TXNDC16: variants seen among roughly 807,000 people sequenced by gnomAD.
TXNDC16 encodes the protein thioredoxin domain-containing protein 16.
In TXNDC16, 74 loss-of-function variants were observed where a neutral mutation model predicts 85.6. That is an observed-to-expected ratio of 0.86 (90% CI 0.72 to 1.05). TXNDC16 has a LOEUF of 1.05. Among genes scored for constraint, TXNDC16 ranks in the 50% least tolerant of loss-of-function variants. The pLI, the probability that TXNDC16 is intolerant of heterozygous loss-of-function variation, is 0.00. For missense variants in TXNDC16, 959 were observed against 947.0 expected (o/e 1.01, Z -0.17); for synonymous variants, 335 against 326.5 (o/e 1.03, Z -0.28).
intron 1 of TXNDC16, among the ~76,000 whole-genome samples, chr14:52,546,195 G>A (rs931962385): frequency 6.6e-6 from 1 of 152,084 alleles, no homozygotes; most frequent in African/African-American, 2.4e-5. Context: ...GCTAAGTCGG[G>A]AGGATCGTGA....
At chr14:52,537,721 T>C (rs933864766) in intron 4 of TXNDC16, 49 bp from the exon 5 acceptor site, 1 of 1,110,270 alleles carries the variant, frequency 9.0e-7, no homozygotes, top group Non-Finnish European at 1.3e-6. Context: ...AAAGGTCAAG[T>C]TTCTTGGTTG....
At chr14:52,453,332 A>G (rs1403211708) in intron 18 of TXNDC16, among the ~76,000 whole-genome samples, 1 of 152,232 alleles carries the variant, frequency 6.6e-6, no homozygotes, top group South Asian at 2.1e-4. Flanking sequence ...TCCTGAGTAC[A>G]TTCCCAAAAG....
At position 52,432,339 on chromosome 14, in the gene TXNDC16, G is replaced by A. The variant is rs369940022; in HGVS notation, c.2443C>T (p.Arg815Cys). Residue 815 changes from arginine (R) to cysteine (C), a missense_variant, in exon 21 of 21, where the codon CGT becomes TGT. Arg to Cys is a radical substitution (Grantham distance 180, BLOSUM62 -3). Coordinates refer to ENST00000281741, the MANE Select transcript of TXNDC16 (RefSeq NM_020784.3). ...TTTGAGCATCCTAACTCTTTATCAC[G>A]TCTAAATGATTTTTCTGCTTCTTTA... ...WFKEAEKSFR[R>C]DKELGCSKVN 24 of 1,612,904 alleles carry A rather than the reference G, an allele frequency of 1.5e-5. No individual in the cohort carries two copies. Among genetic ancestry groups the A allele is most frequent in the African/African-American group, 8.0e-5 (6 of 74,848 alleles).
At position 52,542,448 on chromosome 14, in the gene TXNDC16, G is replaced by A; in HGVS notation, c.166C>T (p.Pro56Ser). The A allele has an allele frequency of 6.2e-7, 1 of 1,610,210 alleles. No individual in the cohort carries two copies. Among genetic ancestry groups the A allele is most frequent in the Non-Finnish European group, 8.5e-7 (1 of 1,177,606 alleles). ...TCTTCAAGAAATACAGATGTTCTTG[G>A]GGAATCTAAAACAACAAATGTTTCA... Reference protein sequence around the residue: ...SLAYFCQADSPRTSVFLEELN... With the variant: ...SLAYFCQADSSRTSVFLEELN... Residue 56 changes from proline (P) to serine (S), a missense_variant, in exon 4 of 21, where the codon CCA (proline) becomes TCA (serine). Coordinates refer to ENST00000281741, the MANE Select transcript of TXNDC16 (RefSeq NM_020784.3).
intron 18 of TXNDC16, among the ~76,000 whole-genome samples, chr14:52,443,361 C>T (rs745876658): frequency 6.6e-6 from 1 of 152,026 alleles, no homozygotes; most frequent in Admixed American, 6.6e-5. Flanking sequence ...ATTGTGGGAC[C>T]GTGTGATTTT....
In TXNDC16 at chr14:52,530,328, ATATT is replaced by A. The variant is rs1566582168; in HGVS notation, c.392+6387_392+6390del. ...TAATATATAATATATAATTATTTTT[ATATT>A]ATATATAATTATATATTATAATATA... On this transcript the variant is annotated intron_variant, in intron 6 of 20. Transcript: ENST00000281741. 3.8e-4 allele frequency among the ~76,000 whole-genome samples: 18 copies of A among 46,996 alleles called. 3 individuals carry two copies. Among genetic ancestry groups the A allele is most frequent in the African/African-American group, 1.5e-3 (17 of 11,072 alleles). 30.8% of individuals were successfully genotyped at this position (46,996 alleles called of 152,430 possible).
At chr14:52,446,089 C>T (rs2035277301) in intron 18 of TXNDC16, among the ~76,000 whole-genome samples, 1 of 152,154 alleles carries the variant, frequency 6.6e-6, no homozygotes, top group South Asian at 2.1e-4. Context: ...AAAAAAGCAC[C>T]TTCATAAGAA....
At chr14:52,513,018 T>C (rs2036993368) in intron 8 of TXNDC16, among the ~76,000 whole-genome samples, 2 of 152,154 alleles carry the variant, frequency 1.3e-5, no homozygotes, top group Non-Finnish European at 2.9e-5. Flanking sequence ...TGTCCACCTC[T>C]GATTTAATGG....
At chr14:52,451,493 T>C (rs1015038034) in intron 18 of TXNDC16, among the ~76,000 whole-genome samples, 1 of 152,088 alleles carries the variant, frequency 6.6e-6, no homozygotes, top group African/African-American at 2.4e-5. Context: ...AAAAGATCAT[T>C]GATCATGTCC....
Position 52,440,685 on chromosome 14 carries a change from G to A in TXNDC16, c.1882C>T (p.Leu628Phe). The change falls in exon 19 of 21, where the codon CTT (leucine) becomes TTT (phenylalanine). Residue 628 changes from leucine (L) to phenylalanine (F), a missense_variant. By Grantham distance (22) the Leu-to-Phe change is conservative. Coordinates refer to ENST00000281741, the MANE Select transcript of TXNDC16 (RefSeq NM_020784.3). ...TVENLPSYFR[L>F]QKPLLILFSD... Reference sequence around the variant, plus strand: ...AACAAAATCAATAATGGTTTCTGAAGTCTGAAATAACTGGGAAGATTTTCC... The same window carrying A: ...AACAAAATCAATAATGGTTTCTGAAATCTGAAATAACTGGGAAGATTTTCC... The A allele has an allele frequency of 6.2e-7, 1 of 1,607,734 alleles. No individual in the cohort carries two copies.
chr14:52,464,062 T>C (rs193173676), intron 16 of TXNDC16, among the ~76,000 whole-genome samples: 46 of 152,362 alleles, frequency 3.0e-4, no homozygotes, highest in Non-Finnish European at 1.3e-4. Context: ...CATTACGTTT[T>C]TGACTTGTAT....
At chr14:52,518,109 A>G (rs527494535) in intron 7 of TXNDC16, among the ~76,000 whole-genome samples, 1 of 152,322 alleles carries the variant, frequency 6.6e-6, no homozygotes, top group Admixed American at 6.5e-5. Context: ...GGGCACTTCT[A>G]CCACATTCAT....
rs1188446338 is a variant in TXNDC16 at position 52,544,274 on chromosome 14, T to C, written c.-84A>G. 1 of 152,170 alleles carries C rather than the reference T, an allele frequency of 6.6e-6. No homozygotes were observed. Among genetic ancestry groups the C allele is most frequent in the East Asian group, 1.9e-4 (1 of 5,202 alleles). The allele number at this position is 152,170 out of a possible 1,614,324, so 9.4% of individuals were successfully genotyped here. A position where few individuals can be genotyped will look rare whatever the true frequency, so the allele number is the denominator to read the frequency against. On this transcript the variant is annotated 5_prime_UTR_variant, in exon 2 of 21. Transcript: ENST00000281741. The stretch of plus-strand genomic sequence containing the variant: ...TCTTGGCGTACTTACTTCCATGCTG[T>C]CCTCTGTATCTGCTGTTAATTCTTT...
intron 14 of TXNDC16, among the ~76,000 whole-genome samples, chr14:52,472,479 AGCCACCGC>A (rs1291110840): frequency 6.6e-6 from 1 of 152,148 alleles, no homozygotes; most frequent in Non-Finnish European, 1.5e-5. Flanking sequence ...CACAGGCGTG[AGCCACCGC>A]GCCCGGCCTT....
intron 18 of TXNDC16, among the ~76,000 whole-genome samples, chr14:52,454,649 C>CAAAAAAAAAAA (rs34727206): frequency 2.6e-3 from 154 of 59,670 alleles, no homozygotes; most frequent in Non-Finnish European, 3.3e-3. Flanking sequence ...ACTAAAAATA[C>CAAAAAAAAAAA]AAAAAAAAAA....
At chr14:52,546,925 T>C (rs2037952507) in intron 1 of TXNDC16, among the ~76,000 whole-genome samples, 1 of 152,182 alleles carries the variant, frequency 6.6e-6, no homozygotes, top group Non-Finnish European at 1.5e-5. Context: ...AAACTGTCAC[T>C]ACAATAATTT....
chr14:52,432,568 T>C lies in TXNDC16; in HGVS notation c.2214A>G (p.Glu738=). The C allele has an allele frequency of 1.2e-6, 2 of 1,607,246 alleles. No individual in the cohort carries two copies. Among genetic ancestry groups the C allele is most frequent in the Non-Finnish European group, 1.7e-6 (2 of 1,177,380 alleles). The change falls in exon 21 of 21, where the codon GAA becomes GAG. Residue 738 remains glutamate, a synonymous_variant. Transcript: ENST00000281741. Reference sequence around the variant, plus strand: ...CATAAGCTGGAAGAGGAGGTTTCCATTCTTGAGCAGGTAAAATTGCTGGAA... The same window carrying C: ...CATAAGCTGGAAGAGGAGGTTTCCACTCTTGAGCAGGTAAAATTGCTGGAA... ...ENHITILPAQ[E]WKPPLPAYDF...
At chr14:52,471,823 C>G (rs2035914561) in intron 14 of TXNDC16, among the ~76,000 whole-genome samples, 1 of 151,650 alleles carries the variant, frequency 6.6e-6, no homozygotes, top group Non-Finnish European at 1.5e-5. Flanking sequence ...CCTACTTGCT[C>G]TATAATAAAA....
At chr14:52,504,593 C>T (rs1359059696) in intron 9 of TXNDC16, among the ~76,000 whole-genome samples, 1 of 152,184 alleles carries the variant, frequency 6.6e-6, no homozygotes, top group Non-Finnish European at 1.5e-5. Flanking sequence ...AAAGGAACAA[C>T]CGGTACCAGC....
Sources: allele counts gnomAD v4.1 joint callset (sites outside exome capture counted in the v4.1 genomes callset), GRCh38; gene constraint gnomAD v4.1.1; transcripts MANE v1.5; gene names NCBI Gene and HGNC (gene_info 2026-07-23, HGNC 2026-07-21).